Variants in GLDC observed in about 807,000 individuals in gnomAD.
GLDC encodes glycine dehydrogenase (decarboxylating), mitochondrial.
GLDC carries 104 observed loss-of-function variants against 121.3 expected under a neutral mutation model. The observed-to-expected ratio is 0.86, with a 90% confidence interval of 0.73 to 1.01. The LOEUF (loss-of-function observed/expected upper bound fraction) is 1.01. Ranked by LOEUF, GLDC falls within the 50% of genes least tolerant of loss-of-function variation. GLDC has a pLI of 0.00. For synonymous variants in GLDC, 546 were observed against 480.6 expected (o/e 1.14, Z -1.78); for missense variants, 1,429 against 1,306.6 (o/e 1.09, Z -1.44).
intron 23 of GLDC, 54 bp downstream of exon 23, chr9:6,536,009 GA>G: frequency 7.0e-7 from 1 of 1,437,692 alleles, no homozygotes; most frequent in Non-Finnish European, 9.8e-7. Context: ...ACACTGTCCA[GA>G]CATCATTTTC....
intron 20 of GLDC, among the ~76,000 whole-genome samples, chr9:6,552,302 T>C (rs555055901): frequency 1.3e-5 from 2 of 152,310 alleles, no homozygotes; most frequent in Admixed American, 6.5e-5. Flanking sequence ...CCTTGGGGCA[T>C]TTATTTCCTA....
intron 21 of GLDC, among the ~76,000 whole-genome samples, chr9:6,547,749 C>G (rs1817426583): frequency 6.6e-6 from 1 of 152,202 alleles, no homozygotes; most frequent in Admixed American, 6.5e-5. Context: ...GGCACATCTA[C>G]ACAATGGAAT....
chr9:6,580,069 T>C (rs1818144987), intron 15 of GLDC, among the ~76,000 whole-genome samples: 1 of 152,282 alleles, frequency 6.6e-6, no homozygotes, highest in Admixed American at 6.5e-5. Flanking sequence ...GCCCCACTCT[T>C]CATTTCCCCT....
rs200280793 is a variant in GLDC, at chr9:6,588,685, T to C, written c.1598A>G (p.Asn533Ser). 6.2e-7 allele frequency: 1 copy of C among 1,613,184 alleles called. No individual in the cohort carries two copies. Among genetic ancestry groups the C allele is most frequent in the South Asian group, 1.1e-5 (1 of 91,050 alleles). ...CAGTTTCTTCATGTACCGGACAATG[T>C]TTGTTTCAGAGTGGTAGCTGTGAAC... ...QVFNSYHSET[N>S]IVRYMKKLEN... The change falls in exon 13 of 25, where the codon AAC becomes AGC. Residue 533 changes from asparagine (N) to serine (S), a missense_variant. Transcript: ENST00000321612.
intron 21 of GLDC, among the ~76,000 whole-genome samples, chr9:6,546,544 A>G (rs535104269): frequency 6.6e-6 from 1 of 152,146 alleles, no homozygotes; most frequent in East Asian, 1.9e-4. Context: ...AGGGACAGTA[A>G]CACACACGGA....
intron 2 of GLDC, among the ~76,000 whole-genome samples, chr9:6,622,159 GAC>G (rs60752054): frequency 0.12 from 17,384 of 145,180 alleles, 1,041 homozygotes; most frequent in Admixed American, 0.15. Context: ...CACACACACA[GAC>G]ACACACACAC....
At chr9:6,563,531 G>A (rs1205463425) in intron 16 of GLDC, among the ~76,000 whole-genome samples, 1 of 152,200 alleles carries the variant, frequency 6.6e-6, no homozygotes, top group African/African-American at 2.4e-5. Context: ...TGGAAGCCAT[G>A]AGGGAAAAAC....
At chr9:6,558,421 T>C in intron 17 of GLDC, 138 bp downstream of exon 17, 1 of 971,578 alleles carries the variant, frequency 1.0e-6, no homozygotes, top group Non-Finnish European at 1.7e-6. Flanking sequence ...AGGGGTAGAG[T>C]AGACTCTGGT....
intron 15 of GLDC, among the ~76,000 whole-genome samples, chr9:6,581,749 A>G (rs375669823): frequency 2.0e-5 from 3 of 152,228 alleles, no homozygotes; most frequent in East Asian, 1.9e-4. Context: ...AGGTTGACCA[A>G]AAGCTAATAT....
chr9:6,621,163 C>A (rs929890663), intron 2 of GLDC, among the ~76,000 whole-genome samples: 9 of 152,072 alleles, frequency 5.9e-5, no homozygotes, highest in Admixed American at 2.0e-4. Context: ...GAGTGAGACC[C>A]CCATCTCAAA....
At chr9:6,556,762 C>A (rs543846670) in intron 17 of GLDC, among the ~76,000 whole-genome samples, 3 of 151,082 alleles carry the variant, frequency 2.0e-5, no homozygotes, top group Admixed American at 6.6e-5. Flanking sequence ...CCACTGCACT[C>A]CAGCTTGGAC....
chr9:6,625,887 C>G (rs1819227344), intron 2 of GLDC, among the ~76,000 whole-genome samples: 2 of 150,478 alleles, frequency 1.3e-5, no homozygotes, highest in Admixed American at 6.6e-5. Flanking sequence ...CCCAAGTTTT[C>G]TGAAAAATGC....
At chr9:6,603,057 A>G (rs747985088) in intron 7 of GLDC, among the ~76,000 whole-genome samples, 4 of 151,788 alleles carry the variant, frequency 2.6e-5, no homozygotes, top group East Asian at 1.9e-4. Flanking sequence ...GTGAAACCCC[A>G]TCTCTACTAA....
intron 2 of GLDC, among the ~76,000 whole-genome samples, chr9:6,634,402 G>A (rs1039982109): frequency 4.6e-5 from 7 of 151,862 alleles, no homozygotes; most frequent in Admixed American, 2.6e-4. Flanking sequence ...GGTAGCTCAC[G>A]CCAGCAGTCC....
intron 15 of GLDC, among the ~76,000 whole-genome samples, chr9:6,576,756 C>A (rs557012342): frequency 6.6e-6 from 1 of 152,138 alleles, no homozygotes; most frequent in African/African-American, 2.4e-5. Context: ...CGTGAACCAC[C>A]GCGTCTGGCC....
At chr9:6,594,739 G>A (rs1338448542) in intron 9 of GLDC, among the ~76,000 whole-genome samples, 1 of 147,408 alleles carries the variant, frequency 6.8e-6, no homozygotes, top group African/African-American at 2.5e-5. Context: ...AAGAAAGCAA[G>A]AAAGCAAGCA....
At chr9:6,556,674 T>C (rs1817637799) in intron 17 of GLDC, among the ~76,000 whole-genome samples, 1 of 151,792 alleles carries the variant, frequency 6.6e-6, no homozygotes, top group Non-Finnish European at 1.5e-5. Flanking sequence ...GTGCCTGTAA[T>C]CCCAGCTACT....
chr9:6,594,991 T>C (rs184901809), intron 9 of GLDC, 23 bp downstream of exon 9: 2 of 1,364,906 alleles, frequency 1.5e-6, no homozygotes, highest in Non-Finnish European at 2.1e-6. Context: ...TGCCCAAATG[T>C]TTTAGACAGA....
intron 11 of GLDC, among the ~76,000 whole-genome samples, chr9:6,590,012 G>A (rs1199870824): frequency 6.6e-6 from 1 of 151,742 alleles, no homozygotes; most frequent in Non-Finnish European, 1.5e-5. Context: ...CTGAGATCAT[G>A]CCACTGCACG....
Sources: allele counts gnomAD v4.1 joint callset (sites outside exome capture counted in the v4.1 genomes callset), GRCh38; gene constraint gnomAD v4.1.1; transcripts MANE v1.5; gene names NCBI Gene and HGNC (gene_info 2026-07-23, HGNC 2026-07-21).